CFAP70: variants seen among roughly 807,000 people sequenced by gnomAD.
The protein encoded by CFAP70 is cilia and flagella associated protein 70, also known as cilia- and flagella-associated protein 70.
Under a neutral mutation model 137.6 loss-of-function variants are expected in CFAP70, and 81 were observed. The observed-to-expected ratio is 0.59, with a 90% CI of 0.49 to 0.71. The LOEUF (loss-of-function observed/expected upper bound fraction) is 0.71, where lower values mean the gene tolerates loss of function less well. Ranked by LOEUF, CFAP70 falls within the 30% of genes least tolerant of loss-of-function variation. CFAP70 has a pLI of 0.00. For synonymous variants in CFAP70, 382 were observed against 423.6 expected, an observed-to-expected ratio of 0.90 and a Z score of 1.20; for missense variants, 976 against 1,226.7, an observed-to-expected ratio of 0.80 and a Z score of 3.05.
At chr10:73,333,052 T>G (rs1015644751) in intron 7 of CFAP70, among the ~76,000 whole-genome samples, 6 of 152,158 alleles carry the variant, frequency 3.9e-5, no homozygotes, top group African/African-American at 1.4e-4. Context: ...AGATGGGTAA[T>G]GTAAGCAGAG....
At chr10:73,324,131 G>A (rs1266922558) in intron 8 of CFAP70, among the ~76,000 whole-genome samples, 1 of 152,172 alleles carries the variant, frequency 6.6e-6, no homozygotes, top group East Asian at 1.9e-4. Context: ...ACTCCTCTGA[G>A]ACAAAACTTC....
chr10:73,302,190 T>C (rs1354902532), intron 12 of CFAP70, among the ~76,000 whole-genome samples: 1 of 152,070 alleles, frequency 6.6e-6, no homozygotes, highest in Non-Finnish European at 1.5e-5. Flanking sequence ...GCCACGAGAC[T>C]AGATAGAAAC....
chr10:73,338,610 T>C (rs189838212), intron 6 of CFAP70, among the ~76,000 whole-genome samples: 8 of 150,814 alleles, frequency 5.3e-5, no homozygotes, highest in African/African-American at 2.0e-4. Flanking sequence ...CTTGTATTTT[T>C]AGTAGAGATG....
In CFAP70 at chr10:73,322,965, T is replaced by G. The variant is rs533296760; in HGVS notation, c.910A>C (p.Lys304Gln). Residue 304 changes from lysine (K) to glutamine (Q), a missense_variant and splice_region_variant, in exon 9 of 27, where the codon AAG (lysine) becomes CAG (glutamine). Coordinates refer to ENST00000310715, the Ensembl canonical transcript of CFAP70. ...ATTTTTATGCAATTTTTTCTTACCT[T>G]TTCATGGACTACACTGTCTAGGTAA... 7 of 1,585,086 alleles carry G rather than the reference T, an allele frequency of 4.4e-6. No individual in the cohort carries two copies. In the African/African-American group the frequency reaches 8.2e-5, roughly 19 times the overall value.
chr10:73,350,895 G>A (rs1208975985), intron 3 of CFAP70, among the ~76,000 whole-genome samples: 1 of 151,376 alleles, frequency 6.6e-6, no homozygotes, highest in Non-Finnish European at 1.5e-5. Context: ...GGAGTAGCTA[G>A]GGCTACAAGT....
At chr10:73,301,201 A>G (rs926317675) in intron 12 of CFAP70, among the ~76,000 whole-genome samples, 4 of 152,132 alleles carry the variant, frequency 2.6e-5, no homozygotes, top group African/African-American at 9.7e-5. Context: ...CATAGTTTGG[A>G]TATTTGTCCC....
intron 19 of CFAP70, among the ~76,000 whole-genome samples, chr10:73,287,947 G>T (rs2131876790): frequency 6.6e-6 from 1 of 152,032 alleles, no homozygotes; most frequent in East Asian, 1.9e-4. Context: ...ACCCAGGCTG[G>T]AGTGCAGTGG....
At chr10:73,347,412 G>C (rs1367513861) in intron 4 of CFAP70, among the ~76,000 whole-genome samples, 1 of 152,168 alleles carries the variant, frequency 6.6e-6, no homozygotes, top group Non-Finnish European at 1.5e-5. Context: ...AGGCAATAAA[G>C]AGTAGGAATG....
chr10:73,303,167 G>T (rs1375257695), intron 12 of CFAP70, among the ~76,000 whole-genome samples: 2 of 151,956 alleles, frequency 1.3e-5, no homozygotes, highest in African/African-American at 4.8e-5. Context: ...AAAGTGCTAG[G>T]ATTACAGGTG....
chr10:73,264,473 A>C lies in CFAP70; in HGVS notation c.3027+5141T>G, dbSNP rs571984505. On this transcript the variant is annotated intron_variant, in intron 25 of 26. Coordinates refer to ENST00000310715, the Ensembl canonical transcript of CFAP70. ...AGCTCTTATCAGTATCTCCCATTCT[A>C]ATCCACCACTACAAGGTCATTCTAT... Among the ~76,000 whole-genome samples, 5 of 152,332 alleles carry C rather than the reference A, an allele frequency of 3.3e-5. No individual in the cohort carries two copies. The South Asian group carries it at 1.0e-3, about 32-fold the overall frequency.
At chr10:73,354,767 G>A (rs1172037285) in exon 2 of CFAP70, 9 of 1,613,876 alleles carry the variant, frequency 5.6e-6, no homozygotes, top group African/African-American at 1.3e-5. Flanking sequence ...TGATCTGCAC[G>A]AGTCTGCCTG....
At chr10:73,262,907 C>A (rs924377036) in intron 25 of CFAP70, among the ~76,000 whole-genome samples, 3 of 152,110 alleles carry the variant, frequency 2.0e-5, no homozygotes, top group African/African-American at 4.8e-5. Flanking sequence ...TGAACATTTG[C>A]AAGTAAATTA....
At chr10:73,303,459 C>T (rs551384198) in intron 12 of CFAP70, among the ~76,000 whole-genome samples, 1 of 152,046 alleles carries the variant, frequency 6.6e-6, no homozygotes, top group Non-Finnish European at 1.5e-5. Context: ...ACCTCGTGAT[C>T]CACCTGCCTT....
chr10:73,354,734 C>T, exon 2 of CFAP70: 1 of 1,613,586 alleles, frequency 6.2e-7, no homozygotes. Context: ...GTAACTTTAC[C>T]AAATCATATC....
intron 19 of CFAP70, 107 bp downstream of exon 20, chr10:73,291,119 A>G (rs1433169973): frequency 1.2e-5 from 11 of 924,918 alleles, no homozygotes; most frequent in Middle Eastern, 3.4e-4. Context: ...GGCTCAAGTG[A>G]TCCTCCCATC....
At chr10:73,287,344 A>G (rs2047803980) in intron 19 of CFAP70, among the ~76,000 whole-genome samples, 1 of 152,232 alleles carries the variant, frequency 6.6e-6, no homozygotes. Flanking sequence ...TAGAAAAGGT[A>G]CAGTAAAAAT....
At chr10:73,356,122 T>A (rs2132576209) in intron 1 of CFAP70, among the ~76,000 whole-genome samples, 1 of 152,260 alleles carries the variant, frequency 6.6e-6, no homozygotes, top group African/African-American at 2.4e-5. Flanking sequence ...ATACTGTCAA[T>A]TTTACAATAC....
upstream of CFAP70, among the ~76,000 whole-genome samples, chr10:73,359,281 A>G (rs1039055821): frequency 1.3e-5 from 2 of 152,234 alleles, no homozygotes; most frequent in Non-Finnish European, 2.9e-5. Context: ...CACAATAGCA[A>G]TAACCTGGAA....
At chr10:73,255,705 C>T (rs566050119) in intron 26 of CFAP70, among the ~76,000 whole-genome samples, 2 of 151,978 alleles carry the variant, frequency 1.3e-5, no homozygotes, top group Non-Finnish European at 2.9e-5. Flanking sequence ...CCAAGACGCT[C>T]GGCTAATTTT....
Sources: allele counts gnomAD v4.1 joint callset (sites outside exome capture counted in the v4.1 genomes callset), GRCh38; gene constraint gnomAD v4.1.1; transcripts MANE v1.5; gene names NCBI Gene and HGNC (gene_info 2026-07-23, HGNC 2026-07-21).